The following DPH6 variants were observed in gnomAD, a reference collection of about 807,000 sequenced individuals.
The protein encoded by DPH6 is diphthine--ammonia ligase.
A neutral mutation model predicts 38.2 loss-of-function variants in DPH6; 33 were observed. The observed-to-expected ratio is 0.86, with a 90% confidence interval of 0.65 to 1.15. The LOEUF (loss-of-function observed/expected upper bound fraction) is 1.15. Among genes scored for constraint, DPH6 ranks in the 50% most tolerant of loss-of-function variants. The probability of loss-of-function intolerance (pLI) is 0.00; values close to 1 mark genes in which losing one functional copy is unlikely to be tolerated. For missense variants in DPH6, 325 were observed against 320.0 expected, an observed-to-expected ratio of 1.02 and a Z score of -0.12; for synonymous variants, 108 against 103.0, an observed-to-expected ratio of 1.05 and a Z score of -0.30.
At chr15:35,496,707 A>T (rs901263889) in intron 3 of DPH6, among the ~76,000 whole-genome samples, 3 of 150,960 alleles carry the variant, frequency 2.0e-5, no homozygotes, top group Middle Eastern at 3.2e-3. Context: ...TGTGAAAAAA[A>T]TTTTCAATCT....
At chr15:35,238,417 G>A (rs1412623091) in intron 3 of DPH6, among the ~76,000 whole-genome samples, 1 of 152,070 alleles carries the variant, frequency 6.6e-6, no homozygotes, top group African/African-American at 2.4e-5. Context: ...ATTTCAATAT[G>A]CATCCTGCTT....
chr15:35,150,819 A>G, the DPH6 span, among the ~76,000 whole-genome samples: 20 of 152,244 alleles, frequency 1.3e-4, no homozygotes, highest in Non-Finnish European at 2.2e-4. Flanking sequence ...AATCATAGAG[A>G]TATTAAAAGA....
chr15:35,300,598 C>T (rs570020687), intron 3 of DPH6, among the ~76,000 whole-genome samples: 22 of 152,106 alleles, frequency 1.4e-4, no homozygotes, highest in Non-Finnish European at 8.8e-5. Flanking sequence ...TATGCTGTTT[C>T]CTGACGTGGG....
intron 3 of DPH6, among the ~76,000 whole-genome samples, chr15:35,233,521 T>C (rs2051532651): frequency 6.6e-6 from 1 of 152,184 alleles, no homozygotes; most frequent in Non-Finnish European, 1.5e-5. Flanking sequence ...GAAAATTAGT[T>C]GTGCAAAAGG....
chr15:35,327,557 G>A (rs548616267), downstream of DPH6, among the ~76,000 whole-genome samples: 3 of 152,150 alleles, frequency 2.0e-5, no homozygotes, highest in Admixed American at 2.0e-4. Context: ...ATGTTAGCCA[G>A]GATGGTCTCT....
Position 35,242,960 on chromosome 15 carries a change from CT to C in DPH6, n.201-22379del, listed in dbSNP as rs1169489731. On this transcript the variant is annotated intron_variant and non_coding_transcript_variant, in intron 3 of 3. Transcript: ENST00000560386. ...TCCAAGCCGTCACAGCTGATATCTC[CT>C]CGTGCTATCCTCAAACTGCCACTCT... 1.4e-5 allele frequency among the ~76,000 whole-genome samples: 2 copies of C among 142,342 alleles called. 1 individual carries two copies. Among genetic ancestry groups the C allele is most frequent in the African/African-American group, 5.1e-5 (2 of 39,114 alleles). 93.4% of individuals were successfully genotyped at this position (142,342 alleles called of 152,430 possible).
the DPH6 span, among the ~76,000 whole-genome samples, chr15:35,207,586 T>C: frequency 2.6e-5 from 4 of 152,068 alleles, no homozygotes; most frequent in African/African-American, 7.2e-5. Context: ...TAGGCAGGGG[T>C]AACTAAATTA....
chr15:35,349,483 C>A (rs2052491404), intron 3 of DPH6, among the ~76,000 whole-genome samples: 1 of 152,140 alleles, frequency 6.6e-6, no homozygotes, highest in African/African-American at 2.4e-5. Context: ...GTCACCCAGG[C>A]TGGAGTGCAG....
intron 3 of DPH6, among the ~76,000 whole-genome samples, chr15:35,268,211 A>G (rs1595454015): frequency 6.6e-6 from 1 of 150,748 alleles, no homozygotes; most frequent in East Asian, 1.9e-4. Context: ...AAATAAATAA[A>G]TAAATAAAAG....
chr15:35,246,449 C>T (rs571356218), intron 3 of DPH6, among the ~76,000 whole-genome samples: 1 of 152,258 alleles, frequency 6.6e-6, no homozygotes, highest in South Asian at 2.1e-4. Context: ...TCCCCATCTC[C>T]CCATTTCCTT....
At chr15:35,225,415 T>G (rs555480617) in intron 3 of DPH6, among the ~76,000 whole-genome samples, 2 of 152,206 alleles carry the variant, frequency 1.3e-5, no homozygotes, top group South Asian at 4.1e-4. Flanking sequence ...CAATCAACAC[T>G]TGATGGTAGG....
intron 3 of DPH6, among the ~76,000 whole-genome samples, chr15:35,462,860 G>T (rs2054082111): frequency 6.6e-6 from 1 of 152,064 alleles, no homozygotes; most frequent in Admixed American, 6.6e-5. Flanking sequence ...ATAACTGAAT[G>T]ATGTGGACTA....
chr15:35,327,406 C>T (rs1333632573), downstream of DPH6, among the ~76,000 whole-genome samples: 4 of 146,022 alleles, frequency 2.7e-5, no homozygotes, highest in East Asian at 2.0e-4. Context: ...AGTGCAGTGA[C>T]GCAATCTTGG....
At chr15:35,342,679 T>C (rs1595489514) in intron 3 of DPH6, among the ~76,000 whole-genome samples, 1 of 152,202 alleles carries the variant, frequency 6.6e-6, no homozygotes, top group East Asian at 1.9e-4. Flanking sequence ...AACATAGTGT[T>C]GTTATTAGAT....
At chr15:35,447,112 G>A (rs1371305037) in intron 5 of DPH6, among the ~76,000 whole-genome samples, 3 of 151,978 alleles carry the variant, frequency 2.0e-5, no homozygotes, top group Admixed American at 6.6e-5. Flanking sequence ...CTCGTGATCC[G>A]CCCGCCTCGG....
At chr15:35,450,911 G>T in intron 4 of DPH6, 108 bp from the exon 5 acceptor site, 1 of 868,310 alleles carries the variant, frequency 1.2e-6, no homozygotes, top group Non-Finnish European at 1.7e-6. Context: ...AAGGATTTTA[G>T]CATTGAAAAT....
chr15:35,460,726 A>T (rs1380948806), intron 3 of DPH6, among the ~76,000 whole-genome samples: 2 of 152,204 alleles, frequency 1.3e-5, no homozygotes, highest in Non-Finnish European at 2.9e-5. Flanking sequence ...CAAATTAGAC[A>T]AGCAGGCATC....
At chr15:35,476,927 T>C (rs556815626) in intron 3 of DPH6, among the ~76,000 whole-genome samples, 7 of 151,984 alleles carry the variant, frequency 4.6e-5, no homozygotes, top group African/African-American at 1.7e-4. Context: ...TTTCTTTCCA[T>C]GGAAACCACT....
At chr15:35,427,005 TAA>T (rs80243708) in intron 5 of DPH6, among the ~76,000 whole-genome samples, 7 of 116,256 alleles carry the variant, frequency 6.0e-5, no homozygotes, top group Admixed American at 8.5e-5. Flanking sequence ...AGAAAGAATC[TAA>T]AAAAAAAAAA....
Sources: allele counts gnomAD v4.1 joint callset (sites outside exome capture counted in the v4.1 genomes callset), GRCh38; gene constraint gnomAD v4.1.1; transcripts MANE v1.5; gene names NCBI Gene and HGNC (gene_info 2026-07-23, HGNC 2026-07-21).